The following AFG1L variants were observed in gnomAD, a reference collection of about 807,000 sequenced individuals.
The protein encoded by AFG1L is AFG1-like ATPase.
A neutral mutation model predicts 62.2 loss-of-function variants in AFG1L; 53 were observed. The observed-to-expected ratio is 0.85, with a 90% confidence interval of 0.68 to 1.07. AFG1L has a LOEUF of 1.07. Ranked by LOEUF, AFG1L falls within the 50% of genes least tolerant of loss-of-function variation. The pLI is 0.00. For synonymous variants in AFG1L, 228 were observed against 210.3 expected (o/e 1.08, Z -0.73); for missense variants, 555 against 590.5 (o/e 0.94, Z 0.62).
At chr6:108,365,049 C>G (rs540560841) in intron 5 of AFG1L, among the ~76,000 whole-genome samples, 1 of 152,202 alleles carries the variant, frequency 6.6e-6, no homozygotes, top group South Asian at 2.1e-4. Flanking sequence ...AAGAATTCAC[C>G]AATTTTTATG....
chr6:108,362,982 C>T (rs539913730), intron 5 of AFG1L, among the ~76,000 whole-genome samples: 18 of 152,008 alleles, frequency 1.2e-4, no homozygotes, highest in African/African-American at 2.4e-5. Flanking sequence ...AAAATGGAAT[C>T]GTATTAGTAG....
chr6:108,302,598 A>G (rs1398601924), intron 1 of AFG1L, among the ~76,000 whole-genome samples: 3 of 151,998 alleles, frequency 2.0e-5, no homozygotes, highest in Non-Finnish European at 4.4e-5. Flanking sequence ...TTTACTTACT[A>G]CAGGTCAGGA....
In AFG1L at chr6:108,384,050, G is replaced by C. The variant is rs115258701; in HGVS notation, c.748+17718G>C. On this transcript the variant is annotated intron_variant, in intron 6 of 12. Transcript: ENST00000368977. Reference sequence around the variant, plus strand: ...AAATACTCTACACAACTATGTGAAGGTCCTGGAGAGTAAAAAAAAAAAAAA... The same window carrying C: ...AAATACTCTACACAACTATGTGAAGCTCCTGGAGAGTAAAAAAAAAAAAAA... Among the ~76,000 whole-genome samples, 591 of 143,318 alleles carry C rather than the reference G, an allele frequency of 4.1e-3. 7 individuals carry two copies. Among genetic ancestry groups the C allele is most frequent in the African/African-American group, 0.015 (544 of 36,728 alleles). 94.0% of individuals were successfully genotyped at this position (143,318 alleles called of 152,430 possible).
intron 1 of AFG1L, among the ~76,000 whole-genome samples, chr6:108,298,644 T>TA (rs753087526): frequency 5.9e-5 from 9 of 152,084 alleles, no homozygotes; most frequent in Non-Finnish European, 1.2e-4. Context: ...AGAGAGCAGT[T>TA]AGAGATGAAG....
intron 6 of AFG1L, among the ~76,000 whole-genome samples, chr6:108,390,934 C>T (rs1291567241): frequency 6.6e-6 from 1 of 152,194 alleles, no homozygotes; most frequent in Non-Finnish European, 1.5e-5. Flanking sequence ...GCGTCGCTCA[C>T]GCTGGGAGCT....
intron 1 of AFG1L, among the ~76,000 whole-genome samples, chr6:108,301,429 A>C (rs1582552530): frequency 6.6e-6 from 1 of 152,190 alleles, no homozygotes; most frequent in East Asian, 1.9e-4. Context: ...AGAGAAACAA[A>C]GATCTATCTT....
intron 6 of AFG1L, chr6:108,388,230 T>A (rs952125344): frequency 1.3e-5 from 2 of 152,242 alleles, no homozygotes; most frequent in Non-Finnish European, 2.9e-5. Flanking sequence ...TTGTTCTCTT[T>A]ATCATTTTTT....
intron 10 of AFG1L, among the ~76,000 whole-genome samples, chr6:108,490,337 C>T (rs544149576): frequency 4.6e-5 from 7 of 152,068 alleles, no homozygotes; most frequent in Admixed American, 6.5e-5. Flanking sequence ...TCCAGCCTGG[C>T]GACAGAGAGA....
At chr6:108,327,812 T>G (rs879215808) in intron 2 of AFG1L, among the ~76,000 whole-genome samples, 1 of 152,238 alleles carries the variant, frequency 6.6e-6, no homozygotes, top group Admixed American at 6.5e-5. Context: ...GTAGTTTAAA[T>G]TCCTGAGTAA....
Position 108,405,262 on chromosome 6 carries a change from C to T in AFG1L, c.807+3208C>T, listed in dbSNP as rs567500091. Among the ~76,000 whole-genome samples, 7 of 152,298 alleles carry T rather than the reference C, an allele frequency of 4.6e-5. No individual in the cohort carries two copies. In the South Asian group the frequency reaches 1.5e-3, roughly 32 times the overall value. ...ATAAGTGATTTACAATGGAAGCTGG[C>T]ATTTTCATAATTTGTCATGAGACTT... On this transcript the variant is annotated intron_variant, in intron 7 of 12. Transcript: ENST00000368977.
intron 7 of AFG1L, among the ~76,000 whole-genome samples, chr6:108,433,889 G>A (rs536885468): frequency 1.6e-4 from 24 of 152,230 alleles, no homozygotes; most frequent in African/African-American, 2.9e-4. Context: ...CACTGTGCCC[G>A]GCCACATACA....
intron 7 of AFG1L, among the ~76,000 whole-genome samples, chr6:108,406,999 GT>G (rs1781884963): frequency 6.6e-6 from 1 of 152,062 alleles, no homozygotes; most frequent in Non-Finnish European, 1.5e-5. Context: ...TGGAAAGAGG[GT>G]TCTGACTCCC....
intron 7 of AFG1L, among the ~76,000 whole-genome samples, chr6:108,409,071 A>C (rs1444446800): frequency 6.6e-6 from 1 of 152,190 alleles, no homozygotes; most frequent in East Asian, 1.9e-4. Context: ...AGATAACGTG[A>C]GTGGAAAAGT....
At chr6:108,494,513 G>C (rs1773898995) in intron 10 of AFG1L, among the ~76,000 whole-genome samples, 1 of 151,850 alleles carries the variant, frequency 6.6e-6, no homozygotes, top group Admixed American at 6.6e-5. Flanking sequence ...GATTTAGGTA[G>C]AACCAACCTC....
intron 6 of AFG1L, 53 bp from the exon 7 acceptor site, chr6:108,401,943 T>C (rs1781638622): frequency 1.3e-6 from 1 of 796,824 alleles, no homozygotes; most frequent in African/African-American, 1.8e-5. Context: ...AAACGATAAA[T>C]TAACATCATG....
chr6:108,332,593 T>C (rs1035221034), intron 2 of AFG1L, among the ~76,000 whole-genome samples: 1 of 152,186 alleles, frequency 6.6e-6, no homozygotes, highest in African/African-American at 2.4e-5. Context: ...AGGAGTAACT[T>C]TGTGAACTTG....
chr6:108,352,582 A>G (rs2114444299), intron 3 of AFG1L, among the ~76,000 whole-genome samples: 1 of 152,230 alleles, frequency 6.6e-6, no homozygotes, highest in Admixed American at 6.5e-5. Flanking sequence ...TATTATTTTG[A>G]AGCAGGGTCT....
At chr6:108,491,658 C>T (rs978799371) in intron 10 of AFG1L, among the ~76,000 whole-genome samples, 4 of 152,074 alleles carry the variant, frequency 2.6e-5, no homozygotes, top group African/African-American at 9.7e-5. Flanking sequence ...GCAGATAATT[C>T]AAGGTTGTCT....
intron 10 of AFG1L, among the ~76,000 whole-genome samples, chr6:108,505,664 A>G (rs950253082): frequency 6.6e-6 from 1 of 152,138 alleles, no homozygotes; most frequent in African/African-American, 2.4e-5. Context: ...CTTGAAAAAG[A>G]ATCAGTGGAA....
Sources: allele counts gnomAD v4.1 joint callset (sites outside exome capture counted in the v4.1 genomes callset), GRCh38; gene constraint gnomAD v4.1.1; transcripts MANE v1.5; gene names NCBI Gene and HGNC (gene_info 2026-07-23, HGNC 2026-07-21).